The following MBD2 variants were observed in gnomAD, a reference collection of about 807,000 sequenced individuals.
The protein encoded by MBD2 is methyl-CpG-binding domain protein 2.
A neutral mutation model predicts 39.3 loss-of-function variants in MBD2; 9 were observed. The observed-to-expected ratio is 0.23, with a 90% confidence interval of 0.14 to 0.40. The LOEUF (loss-of-function observed/expected upper bound fraction) is 0.40, where lower values mean the gene tolerates loss of function less well. Among genes scored for constraint, MBD2 ranks in the 10% least tolerant of loss-of-function variants. MBD2 has a pLI of 1.00. For missense variants in MBD2, 458 were observed against 532.6 expected (o/e 0.86, Z 1.38); for synonymous variants, 233 against 211.1 (o/e 1.10, Z -0.90).
intron 5 of MBD2, 34 bp downstream of exon 5, chr18:54,164,489 C>A: frequency 6.3e-7 from 1 of 1,579,612 alleles, no homozygotes; most frequent in Non-Finnish European, 8.7e-7. Context: ...AACGTAAAAA[C>A]CCAAGTTTAT....
rs1223886536 is a variant in MBD2, at chr18:54,205,168, G to A, written c.543-11C>T. 1.2e-6 allele frequency: 2 copies of A among 1,610,764 alleles called. No homozygotes were observed. Among genetic ancestry groups the A allele is most frequent in the South Asian group, 1.1e-5 (1 of 90,176 alleles). ...TTCTTACCACTTGGACTAGAAGAAAGTAAGGTTAATTGAACAAAAGGCAAC... is the reference window on the plus strand; with the variant it reads ...TTCTTACCACTTGGACTAGAAGAAAATAAGGTTAATTGAACAAAAGGCAAC... On this transcript the variant is annotated splice_polypyrimidine_tract_variant and intron_variant, in intron 1 of 6. Coordinates refer to ENST00000256429, the MANE Select transcript of MBD2 (RefSeq NM_003927.5).
intron 1 of MBD2, chr18:54,222,179 G>C (rs1230732674): frequency 9.6e-6 from 3 of 311,530 alleles, no homozygotes; most frequent in Non-Finnish European, 1.9e-5. Context: ...GTTAATGAAA[G>C]AATACTAGAA....
chr18:54,204,506 A>T (rs1568090588), intron 2 of MBD2, among the ~76,000 whole-genome samples: 1 of 152,246 alleles, frequency 6.6e-6, no homozygotes, highest in African/African-American at 2.4e-5. Flanking sequence ...CAGCTCGATA[A>T]AACTAAGCGC....
chr18:54,215,793 CTT>C (rs764192938), intron 1 of MBD2, among the ~76,000 whole-genome samples: 1 of 144,562 alleles, frequency 6.9e-6, no homozygotes, highest in Non-Finnish European at 1.5e-5. Context: ...CAAGCCCGGC[CTT>C]TTTTTTTTTG....
intron 2 of MBD2, among the ~76,000 whole-genome samples, chr18:54,193,855 C>G (rs902646529): frequency 1.3e-5 from 2 of 152,180 alleles, no homozygotes; most frequent in East Asian, 3.9e-4. Context: ...AGAAGAAAAT[C>G]GATAAAGACA....
intron 1 of MBD2, chr18:54,222,244 C>A (rs780715496): frequency 1.7e-5 from 7 of 414,796 alleles, no homozygotes; most frequent in Non-Finnish European, 2.9e-5. Context: ...GAAAACTAAT[C>A]TTTTTTTAAC....
intron 2 of MBD2, among the ~76,000 whole-genome samples, chr18:54,193,866 C>A (rs1301111910): frequency 6.6e-6 from 1 of 152,104 alleles, no homozygotes; most frequent in Non-Finnish European, 1.5e-5. Flanking sequence ...GATAAAGACA[C>A]TAAACTTCAA....
chr18:54,158,893 G>A (rs958704983), intron 6 of MBD2, among the ~76,000 whole-genome samples: 9 of 152,080 alleles, frequency 5.9e-5, no homozygotes, highest in Non-Finnish European at 1.0e-4. Context: ...ATGCCAAAGC[G>A]CTGAGATTAC....
rs1160707623 is a variant in MBD2, at chr18:54,159,875, G to A, written c.1138C>T (p.Arg380Cys). 2.5e-6 allele frequency: 4 copies of A among 1,612,460 alleles called. No individual in the cohort carries two copies. Among genetic ancestry groups the A allele is most frequent in the Admixed American group, 1.7e-5 (1 of 60,014 alleles). ...ATCAGTGCTTCTTCCAATTTCTTGC[G>A]TACTTGCTGTACTCGCTCTTCCTGT... ...RKQEERVQQV[R>C]KKLEEALMAD... Residue 380 changes from arginine (R) to cysteine (C), a missense_variant, in exon 6 of 7, where the codon CGC (arginine) becomes TGC (cysteine). Coordinates refer to ENST00000256429, the MANE Select transcript of MBD2 (RefSeq NM_003927.5).
At chr18:54,172,152 T>C (rs1879611696) in intron 3 of MBD2, among the ~76,000 whole-genome samples, 1 of 152,224 alleles carries the variant, frequency 6.6e-6, no homozygotes, top group Non-Finnish European at 1.5e-5. Context: ...GCCTCTTCCT[T>C]AGGCAGAATT....
Position 54,152,444 on chromosome 18 carries a change from A to G in MBD2, c.*2880T>C, listed in dbSNP as rs2086027565. 6.6e-6 allele frequency: 1 copy of G among 152,244 alleles called. No homozygotes were observed. The highest frequency in any genetic ancestry group is 2.4e-5 in the African/African-American group (1 of 41,444). The allele number at this position is 152,244 out of a possible 1,614,324, so 9.4% of individuals were successfully genotyped here. A position where few individuals can be genotyped will look rare whatever the true frequency, so the allele number is the denominator to read the frequency against. ...TTGACCATTCTTCCATTTATTCAGC[A>G]AACAGTTACTGAGTGCTTACTAGGT... On this transcript the variant is annotated 3_prime_UTR_variant, in exon 7 of 7. Transcript: ENST00000256429.
chr18:54,219,588 C>CAA lies in MBD2; in HGVS notation c.542+4428_542+4429dup, dbSNP rs1430106250. On this transcript the variant is annotated intron_variant, in intron 1 of 6. Transcript: ENST00000256429. ...ATTGGAATCCAAGAAGACTTTAACA[C>CAA]AAATATGTAAGAACTATGACAATAG... Among the ~76,000 whole-genome samples the CAA allele has an allele frequency of 3.9e-5, 6 of 152,292 alleles. No individual in the cohort carries two copies. The East Asian group carries it at 1.2e-3, about 29-fold the overall frequency.
intron 6 of MBD2, among the ~76,000 whole-genome samples, chr18:54,157,448 A>G (rs1409507673): frequency 6.6e-6 from 1 of 151,958 alleles, no homozygotes; most frequent in Non-Finnish European, 1.5e-5. Context: ...TTTAGTAGAG[A>G]CAGGGTTTCG....
chr18:54,171,319 C>G (rs530671630), intron 3 of MBD2, among the ~76,000 whole-genome samples: 12 of 152,114 alleles, frequency 7.9e-5, no homozygotes, highest in African/African-American at 2.9e-4. Flanking sequence ...ATCACTTGAA[C>G]CCAGGAGGTG....
chr18:54,208,493 T>A (rs62096966), intron 1 of MBD2, among the ~76,000 whole-genome samples: 1 of 151,786 alleles, frequency 6.6e-6, no homozygotes, highest in Non-Finnish European at 1.5e-5. Flanking sequence ...TCTGTCTCAA[T>A]AAAATAAAAT....
chr18:54,214,610 T>C (rs889487782), intron 1 of MBD2, among the ~76,000 whole-genome samples: 1 of 152,204 alleles, frequency 6.6e-6, no homozygotes, highest in Non-Finnish European at 1.5e-5. Flanking sequence ...TTACCAAGCA[T>C]GCGCTTCTAT....
chr18:54,221,200 G>C (rs1431697219), intron 1 of MBD2, among the ~76,000 whole-genome samples: 2 of 152,226 alleles, frequency 1.3e-5, no homozygotes, highest in Non-Finnish European at 2.9e-5. Flanking sequence ...GCTCACACCT[G>C]TAATCCCAGC....
intron 3 of MBD2, among the ~76,000 whole-genome samples, chr18:54,176,311 TTAG>T (rs1185044485): frequency 6.6e-6 from 1 of 152,264 alleles, no homozygotes; most frequent in Non-Finnish European, 1.5e-5. Context: ...ACTAGAAGTC[TTAG>T]TAACTGTCAG....
chr18:54,207,582 A>C (rs187100754), intron 1 of MBD2, among the ~76,000 whole-genome samples: 71 of 152,330 alleles, frequency 4.7e-4, no homozygotes, highest in African/African-American at 1.7e-3. Context: ...TGGGATAAAT[A>C]TTATTGTTTA....
Sources: allele counts gnomAD v4.1 joint callset (sites outside exome capture counted in the v4.1 genomes callset), GRCh38; gene constraint gnomAD v4.1.1; transcripts MANE v1.5; gene names NCBI Gene and HGNC (gene_info 2026-07-23, HGNC 2026-07-21).